The following ZNF736 variants were observed in gnomAD, a reference collection of about 807,000 sequenced individuals.
ZNF736 encodes the protein zinc finger protein 736.
A neutral mutation model predicts 11.7 loss-of-function variants in ZNF736; 6 were observed. The ratio of observed to expected loss-of-function variants is 0.51; its 90% CI spans 0.28 to 1.01. ZNF736 has a LOEUF of 1.01. Among genes scored for constraint, ZNF736 ranks in the 50% least tolerant of loss-of-function variants. The pLI is 0.09. For synonymous variants in ZNF736, 139 were observed against 164.7 expected, an observed-to-expected ratio of 0.84 and a Z score of 1.19; for missense variants, 444 against 496.0, an observed-to-expected ratio of 0.90 and a Z score of 1.00.
At chr7:64,337,652 G>T (rs914304732) in intron 3 of ZNF736, among the ~76,000 whole-genome samples, 2 of 151,632 alleles carry the variant, frequency 1.3e-5, no homozygotes, top group African/African-American at 2.4e-5. Context: ...ATGTATTATA[G>T]TTCATTGTAT....
At chr7:64,324,531 C>A (rs1486642456) in intron 1 of ZNF736, among the ~76,000 whole-genome samples, 1 of 152,170 alleles carries the variant, frequency 6.6e-6, no homozygotes, top group African/African-American at 2.4e-5. Context: ...ATTTTGCCCC[C>A]CCGGACACAT....
intron 1 of ZNF736, among the ~76,000 whole-genome samples, chr7:64,330,018 C>A: frequency 6.6e-6 from 1 of 152,152 alleles, no homozygotes; most frequent in East Asian, 1.9e-4. Flanking sequence ...AGAAACCACT[C>A]CCCATGGCCA....
chr7:64,336,797 A>G lies in ZNF736; in HGVS notation c.131-90A>G, dbSNP rs1378732221. Reference sequence around the variant, plus strand: ...TAAAATTAATTTTCTAGAGTCTTCTATAATGTTCTCTCTTCTCTACTGAGC... The same window carrying G: ...TAAAATTAATTTTCTAGAGTCTTCTGTAATGTTCTCTCTTCTCTACTGAGC... On this transcript the variant is annotated intron_variant, in intron 2 of 3. Coordinates refer to ENST00000423484, the MANE Select transcript of ZNF736 (RefSeq NM_001170905.3). 1.4e-4 allele frequency: 144 copies of G among 1,025,992 alleles called. No individual in the cohort carries two copies. The East Asian group carries it at 3.6e-3, about 26-fold the overall frequency. The allele number at this position is 1,025,992 out of a possible 1,614,324, so 63.6% of individuals were successfully genotyped here.
intron 1 of ZNF736, among the ~76,000 whole-genome samples, chr7:64,319,329 ATG>A (rs374489237): frequency 0.083 from 4,172 of 50,016 alleles, 292 homozygotes; most frequent in African/African-American, 0.12. Context: ...GTGTGTGTGT[ATG>A]TGTATATATA....
intron 3 of ZNF736, among the ~76,000 whole-genome samples, chr7:64,339,898 A>G (rs1462599504): frequency 2.0e-5 from 3 of 152,202 alleles, no homozygotes; most frequent in South Asian, 2.1e-4. Context: ...AGTAGGTACA[A>G]ATCTTCTCTT....
chr7:64,334,956 A>G (rs917649669), intron 1 of ZNF736, among the ~76,000 whole-genome samples: 1 of 152,356 alleles, frequency 6.6e-6, no homozygotes, highest in African/African-American at 2.4e-5. Flanking sequence ...CTATGCAGCC[A>G]TAAAAAAGAA....
At chr7:64,315,796 T>C (rs117078894) in intron 1 of ZNF736, among the ~76,000 whole-genome samples, 1,684 of 152,250 alleles carry the variant, frequency 0.011, 24 homozygotes, top group Non-Finnish European at 0.018. Context: ...CTTTCCCACA[T>C]TCCCAAATGC....
At chr7:64,319,747 G>A (rs1788978188) in intron 1 of ZNF736, among the ~76,000 whole-genome samples, 3 of 151,448 alleles carry the variant, frequency 2.0e-5, no homozygotes, top group Admixed American at 1.3e-4. Flanking sequence ...TGCCTGCCTC[G>A]GCCTCCCAAG....
intron 1 of ZNF736, among the ~76,000 whole-genome samples, chr7:64,334,443 T>C (rs557035733): frequency 2.6e-4 from 39 of 152,168 alleles, no homozygotes; most frequent in Non-Finnish European, 4.6e-4. Flanking sequence ...TAAATAAATT[T>C]ACAAGAAAAA....
Position 64,320,285 on chromosome 7 carries a change from C to T in ZNF736, c.3+6132C>T, listed in dbSNP as rs190807285. ...GTATCTCAGCTTCTCAGTTTACCATCTACCCACAAAGGCCAGACACAAGAT... is the reference window on the plus strand; with the variant it reads ...GTATCTCAGCTTCTCAGTTTACCATTTACCCACAAAGGCCAGACACAAGAT... On this transcript the variant is annotated intron_variant, in intron 1 of 3. Coordinates refer to ENST00000423484, the MANE Select transcript of ZNF736 (RefSeq NM_001170905.3). Among the ~76,000 whole-genome samples the T allele has an allele frequency of 2.5e-3, 386 of 152,290 alleles. 1 individual carries two copies. Among genetic ancestry groups the T allele is most frequent in the African/African-American group, 7.8e-3 (325 of 41,558 alleles).
chr7:64,340,831 G>A (rs1292710130), intron 3 of ZNF736, among the ~76,000 whole-genome samples: 2 of 152,064 alleles, frequency 1.3e-5, no homozygotes, highest in Admixed American at 1.3e-4. Context: ...ATTTCTCCCA[G>A]ATTAAGTATC....
rs1309348252 is a variant in ZNF736, at chr7:64,354,854, A to G, written c.*5707A>G. ...TTTATTAAATTTATTGGGCCAATTTAAGTAAACAGTTGAACGTTTCATAAG... is the reference window on the plus strand; with the variant it reads ...TTTATTAAATTTATTGGGCCAATTTGAGTAAACAGTTGAACGTTTCATAAG... On this transcript the variant is annotated 3_prime_UTR_variant, in exon 4 of 4. Transcript: ENST00000423484. 1 of 152,226 alleles carries G rather than the reference A, an allele frequency of 6.6e-6. No homozygotes were observed. The highest frequency in any genetic ancestry group is 1.5e-5 in the Non-Finnish European group (1 of 68,038). The allele number at this position is 152,226 out of a possible 1,614,324, so 9.4% of individuals were successfully genotyped here.
Position 64,353,702 on chromosome 7 carries a change from A to G in ZNF736, c.*4555A>G, listed in dbSNP as rs199750350. 2.6e-5 allele frequency: 4 copies of G among 151,802 alleles called. No individual in the cohort carries two copies. Among genetic ancestry groups the G allele is most frequent in the Non-Finnish European group, 5.9e-5 (4 of 67,958 alleles). 9.4% of individuals were successfully genotyped at this position (151,802 alleles called of 1,614,324 possible). Reference sequence around the variant, plus strand: ...GAAATTCTAAGTGGAAAGGCCACTTATTAGTTTACAGCAGTATCGTAAGTG... The same window carrying G: ...GAAATTCTAAGTGGAAAGGCCACTTGTTAGTTTACAGCAGTATCGTAAGTG... On this transcript the variant is annotated 3_prime_UTR_variant, in exon 4 of 4. Coordinates refer to ENST00000423484, the MANE Select transcript of ZNF736 (RefSeq NM_001170905.3).
intron 3 of ZNF736, among the ~76,000 whole-genome samples, chr7:64,340,885 G>A (rs1197665947): frequency 6.6e-6 from 1 of 152,062 alleles, no homozygotes; most frequent in Non-Finnish European, 1.5e-5. Flanking sequence ...AATTTAGGAA[G>A]TTCTTAGTGA....
chr7:64,341,843 G>A (rs1408736381), intron 3 of ZNF736, among the ~76,000 whole-genome samples: 1 of 152,120 alleles, frequency 6.6e-6, no homozygotes, highest in Non-Finnish European at 1.5e-5. Flanking sequence ...TGTGAAACGA[G>A]TGGAAAGAAT....
At chr7:64,314,291 A>G (rs1788880700) in intron 1 of ZNF736, 138 bp downstream of exon 1, 1 of 1,139,576 alleles carries the variant, frequency 8.8e-7, no homozygotes, top group Non-Finnish European at 1.2e-6. Flanking sequence ...GCACAGCTCA[A>G]TCCTCATTTC....
intron 1 of ZNF736, among the ~76,000 whole-genome samples, chr7:64,320,473 G>T (rs1332270206): frequency 1.3e-5 from 2 of 152,130 alleles, no homozygotes; most frequent in African/African-American, 2.4e-5. Context: ...CTAAGCTAGA[G>T]ATAATTCATT....
chr7:64,316,169 G>C (rs1788914887), intron 1 of ZNF736, among the ~76,000 whole-genome samples: 1 of 152,204 alleles, frequency 6.6e-6, no homozygotes, highest in African/African-American at 2.4e-5. Context: ...ATTAGCCCCT[G>C]GGTCATCTCC....
In ZNF736 at chr7:64,356,570, T is replaced by A. The variant is rs1447111452; in HGVS notation, c.*7423T>A. Among the ~76,000 whole-genome samples the A allele has an allele frequency of 6.6e-6, 1 of 152,146 alleles. No individual in the cohort carries two copies. The highest frequency in any genetic ancestry group is 6.5e-5 in the Admixed American group (1 of 15,276). ...TTATACAAGTAATATAAACTAAGTT[T>A]ACTTAAATTATTTACTTATTTAAGA... On this transcript the variant is annotated 3_prime_UTR_variant, in exon 4 of 4. Transcript: ENST00000423484.
Sources: allele counts gnomAD v4.1 joint callset (sites outside exome capture counted in the v4.1 genomes callset), GRCh38; gene constraint gnomAD v4.1.1; transcripts MANE v1.5; gene names NCBI Gene and HGNC (gene_info 2026-07-23, HGNC 2026-07-21).